ROBO1: variants seen among roughly 807,000 people sequenced by gnomAD.
The protein encoded by ROBO1 is roundabout guidance receptor 1, also known as roundabout homolog 1.
ROBO1 carries 149 observed loss-of-function variants against 195.9 expected under a neutral mutation model. The ratio of observed to expected loss-of-function variants is 0.76; its 90% CI spans 0.67 to 0.87. The LOEUF is 0.87. Among genes scored for constraint, ROBO1 ranks in the 40% least tolerant of loss-of-function variants. The probability of loss-of-function intolerance (pLI) is 0.00; values close to 1 mark genes in which losing one functional copy is unlikely to be tolerated. For missense variants in ROBO1, 1,933 were observed against 2,068.3 expected (o/e 0.93, Z 1.27); for synonymous variants, 816 against 733.2 (o/e 1.11, Z -1.82).
chr3:79,726,554 A>G (rs1702934116), intron 1 of ROBO1, among the ~76,000 whole-genome samples: 1 of 152,172 alleles, frequency 6.6e-6, no homozygotes, highest in African/African-American at 2.4e-5. Context: ...GATAAACAGG[A>G]AATATTAAAA....
intron 4 of ROBO1, among the ~76,000 whole-genome samples, chr3:78,888,910 G>A (rs2036723106): frequency 6.6e-6 from 1 of 152,084 alleles, no homozygotes; most frequent in Admixed American, 6.6e-5. Context: ...GTTCACCTTT[G>A]GTTGGATGTT....
chr3:78,835,108 T>C (rs186740688), intron 4 of ROBO1, among the ~76,000 whole-genome samples: 117 of 152,276 alleles, frequency 7.7e-4, no homozygotes, highest in Non-Finnish European at 1.3e-3. Flanking sequence ...ACAGATGTTT[T>C]TGTCATCTAG....
rs559033998 is a variant in ROBO1, at chr3:78,850,184, CA to C, written c.499+88416del. ...CAACATCACTGGATGACACCTTTGT[CA>C]GAATGTATCCCTGTCACTAAGTGAT... is the stretch of plus-strand genomic sequence containing the variant. On this transcript the variant is annotated intron_variant, in intron 4 of 30. Coordinates refer to ENST00000464233, the MANE Select transcript of ROBO1 (RefSeq NM_002941.4). Among the ~76,000 whole-genome samples the C allele has an allele frequency of 5.3e-5, 8 of 152,266 alleles. No homozygotes were observed. In the East Asian group the frequency reaches 1.5e-3, roughly 29 times the overall value.
At chr3:78,918,962 G>T (rs1470409694) in intron 4 of ROBO1, among the ~76,000 whole-genome samples, 7 of 152,104 alleles carry the variant, frequency 4.6e-5, no homozygotes, top group Non-Finnish European at 8.8e-5. Flanking sequence ...TGTGGTTCTG[G>T]AGCAAAGGAA....
rs867841317 is a variant in ROBO1, at chr3:78,862,907, T to G, written c.499+75694A>C. ...CCCTCCATACTTTCTCTACTCCAAT[T>G]AGTTGAGAAATAGCAGCTTAGAAAT... is the stretch of plus-strand genomic sequence containing the variant. On this transcript the variant is annotated intron_variant, in intron 4 of 30. Transcript: ENST00000464233. Among the ~76,000 whole-genome samples, 35 of 152,256 alleles carry G rather than the reference T, an allele frequency of 2.3e-4. No individual in the cohort carries two copies. The Middle Eastern group carries it at 0.01, about 44-fold the overall frequency.
intron 4 of ROBO1, among the ~76,000 whole-genome samples, chr3:78,910,218 C>T (rs2038163698): frequency 6.6e-6 from 1 of 151,712 alleles, no homozygotes; most frequent in African/African-American, 2.4e-5. Context: ...CTTAAGGATC[C>T]TGCGTGTTCC....
chr3:78,947,684 T>G (rs2040524652), intron 3 of ROBO1, among the ~76,000 whole-genome samples: 1 of 152,084 alleles, frequency 6.6e-6, no homozygotes. Context: ...AGAGCAGAAC[T>G]GACGGAAATA....
At chr3:79,718,001 G>A (rs994599986) in intron 1 of ROBO1, among the ~76,000 whole-genome samples, 5 of 151,986 alleles carry the variant, frequency 3.3e-5, no homozygotes, top group African/African-American at 1.2e-4. Context: ...TCAGAAAGAG[G>A]CAAAGGAACA....
At chr3:79,597,168 T>C (rs530397637) in intron 1 of ROBO1, among the ~76,000 whole-genome samples, 2 of 151,906 alleles carry the variant, frequency 1.3e-5, no homozygotes, top group South Asian at 2.1e-4. Flanking sequence ...CTGACTAATC[T>C]ACACCTACTC....
chr3:79,625,422 T>TTA (rs1945136215), intron 1 of ROBO1, among the ~76,000 whole-genome samples: 1 of 3,980 alleles, frequency 2.5e-4, no homozygotes, highest in Non-Finnish European at 4.5e-4. Context: ...CTGTTTTTTT[T>TTA]GAAAAAAAAA....
chr3:79,108,986 G>T (rs536060527), intron 3 of ROBO1, among the ~76,000 whole-genome samples: 1 of 151,808 alleles, frequency 6.6e-6, no homozygotes, highest in African/African-American at 2.4e-5. Flanking sequence ...ATAGCTTAAG[G>T]TTAAGGTATA....
At chr3:79,054,185 T>C (rs2078758811) in intron 3 of ROBO1, among the ~76,000 whole-genome samples, 1 of 152,110 alleles carries the variant, frequency 6.6e-6, no homozygotes, top group Admixed American at 6.6e-5. Context: ...GTTTCTCTGA[T>C]ACTTATGCCC....
chr3:79,166,897 T>C (rs1256744234), intron 2 of ROBO1, among the ~76,000 whole-genome samples: 1 of 152,192 alleles, frequency 6.6e-6, no homozygotes, highest in Non-Finnish European at 1.5e-5. Flanking sequence ...AATGAATCAC[T>C]TAACAGTTTT....
intron 2 of ROBO1, among the ~76,000 whole-genome samples, chr3:79,385,296 T>C (rs558989637): frequency 6.6e-6 from 1 of 152,270 alleles, no homozygotes; most frequent in East Asian, 1.9e-4. Flanking sequence ...CTGAATCCTA[T>C]GTCTCCTTAT....
chr3:79,711,928 T>TGGGGGGGGGGGGGGGGGGGGGG (rs201361807), intron 1 of ROBO1, among the ~76,000 whole-genome samples: 2 of 14,780 alleles, frequency 1.4e-4, no homozygotes, highest in Non-Finnish European at 2.1e-4. Context: ...GATGGGCGGG[T>TGGGGGGGGGGGGGGGGGGGGGG]GGGTGGGGGA....
chr3:79,395,321 CAAAAAAA>C, intron 2 of ROBO1, among the ~76,000 whole-genome samples: 3 of 50,166 alleles, frequency 6.0e-5, no homozygotes, highest in East Asian at 6.8e-4. Flanking sequence ...GACTCCGTCT[CAAAAAAA>C]AAAAAAAAAA....
At chr3:78,775,502 G>C (rs2083482195) in intron 4 of ROBO1, among the ~76,000 whole-genome samples, 1 of 152,136 alleles carries the variant, frequency 6.6e-6, no homozygotes, top group African/African-American at 2.4e-5. Flanking sequence ...TGCAGTTATT[G>C]ACTTTGCAAT....
At chr3:78,964,926 C>A (rs1375428015) in intron 3 of ROBO1, among the ~76,000 whole-genome samples, 1 of 151,236 alleles carries the variant, frequency 6.6e-6, no homozygotes, top group Non-Finnish European at 1.5e-5. Context: ...TAAAGTGATC[C>A]CCCCGTGCTG....
intron 2 of ROBO1, among the ~76,000 whole-genome samples, chr3:79,469,009 C>T (rs1460064539): frequency 6.6e-6 from 1 of 152,138 alleles, no homozygotes; most frequent in Non-Finnish European, 1.5e-5. Context: ...ATTTGGCACT[C>T]AGCAAGTACT....
Sources: allele counts gnomAD v4.1 joint callset (sites outside exome capture counted in the v4.1 genomes callset), GRCh38; gene constraint gnomAD v4.1.1; transcripts MANE v1.5; gene names NCBI Gene and HGNC (gene_info 2026-07-23, HGNC 2026-07-21).